SPIDR: variants seen among roughly 807,000 people sequenced by gnomAD.
The protein encoded by SPIDR is scaffold protein involved in DNA repair.
A neutral mutation model predicts 104.6 loss-of-function variants in SPIDR; 93 were observed. The ratio of observed to expected loss-of-function variants is 0.89; its 90% CI spans 0.75 to 1.06. The LOEUF is 1.06. Among genes scored for constraint, SPIDR ranks in the 50% least tolerant of loss-of-function variants. The probability of loss-of-function intolerance (pLI) is 0.00; values close to 1 mark genes in which losing one functional copy is unlikely to be tolerated. For synonymous variants in SPIDR, 431 were observed against 416.9 expected (o/e 1.03, Z -0.41); for missense variants, 1,154 against 1,111.2 (o/e 1.04, Z -0.55).
intron 11 of SPIDR, among the ~76,000 whole-genome samples, chr8:47,699,409 G>C (rs1478991775): frequency 6.6e-6 from 1 of 152,186 alleles, no homozygotes; most frequent in Non-Finnish European, 1.5e-5. Context: ...GACTCCAGGG[G>C]CCCTGCTGTT....
intron 8 of SPIDR, among the ~76,000 whole-genome samples, chr8:47,461,594 G>A (rs1459785865): frequency 2.0e-5 from 3 of 152,150 alleles, no homozygotes; most frequent in Non-Finnish European, 4.4e-5. Context: ...ATAGGTGTGA[G>A]CCACTGCGCC....
chr8:47,553,021 A>C (rs1418164942), intron 8 of SPIDR, among the ~76,000 whole-genome samples: 4 of 152,102 alleles, frequency 2.6e-5, no homozygotes, highest in African/African-American at 9.7e-5. Context: ...TCATTTATGA[A>C]GCTTAGTTTG....
intron 5 of SPIDR, among the ~76,000 whole-genome samples, chr8:47,339,658 C>T (rs2154274239): frequency 6.6e-6 from 1 of 150,950 alleles, no homozygotes; most frequent in African/African-American, 2.4e-5. Context: ...ACATGTTGAG[C>T]ATAACATAAC....
intron 10 of SPIDR, among the ~76,000 whole-genome samples, chr8:47,658,244 C>A (rs985062993): frequency 4.0e-5 from 6 of 151,560 alleles, no homozygotes; most frequent in Non-Finnish European, 4.4e-5. Flanking sequence ...CATGGAGAAA[C>A]CCTGTCTCTA....
intron 10 of SPIDR, among the ~76,000 whole-genome samples, chr8:47,612,817 T>G (rs1432224981): frequency 6.6e-6 from 1 of 152,220 alleles, no homozygotes; most frequent in Admixed American, 6.5e-5. Flanking sequence ...TATGCCCATT[T>G]ACTTATATGC....
intron 10 of SPIDR, among the ~76,000 whole-genome samples, chr8:47,671,179 GGAT>G (rs1274491886): frequency 1.3e-5 from 2 of 151,992 alleles, no homozygotes; most frequent in Non-Finnish European, 2.9e-5. Flanking sequence ...CAAAGTGCTG[GGAT>G]TACAGGTGTC....
intron 5 of SPIDR, among the ~76,000 whole-genome samples, chr8:47,308,914 G>A (rs1277998788): frequency 6.6e-6 from 1 of 152,220 alleles, no homozygotes; most frequent in Non-Finnish European, 1.5e-5. Context: ...ACCTGCAAGT[G>A]ATTAAAATTA....
At position 47,319,660 on chromosome 8, in the gene SPIDR, C is replaced by T. The variant is rs556044325; in HGVS notation, c.525+25630C>T. The stretch of plus-strand genomic sequence containing the variant: ...AATATACATTCTTCTCAGCACCACA[C>T]CGCACTTATTCCAAAATTGACCACA... On this transcript the variant is annotated intron_variant, in intron 5 of 19. Coordinates refer to ENST00000297423, the MANE Select transcript of SPIDR (RefSeq NM_001080394.4). Among the ~76,000 whole-genome samples, 299 of 152,242 alleles carry T rather than the reference C, an allele frequency of 2.0e-3. 2 individuals are homozygous for T. Among genetic ancestry groups the T allele is most frequent in the African/African-American group, 6.8e-3 (281 of 41,540 alleles).
intron 10 of SPIDR, among the ~76,000 whole-genome samples, chr8:47,632,185 A>G (rs1326384405): frequency 1.3e-5 from 2 of 152,186 alleles, no homozygotes; most frequent in African/African-American, 4.8e-5. Context: ...TAATCACGAC[A>G]TGTGCTGTAC....
intron 5 of SPIDR, among the ~76,000 whole-genome samples, chr8:47,394,411 G>A (rs1251801532): frequency 6.6e-6 from 1 of 152,206 alleles, no homozygotes; most frequent in Non-Finnish European, 1.5e-5. Flanking sequence ...CAAGCCGCCT[G>A]TGGTTGGTTA....
Position 47,713,570 on chromosome 8 carries a change from A to G in SPIDR, c.2270A>G (p.Glu757Gly), listed in dbSNP as rs202056668. The G allele has an allele frequency of 2.5e-4, 407 of 1,614,150 alleles. 2 individuals carry two copies. In the African/African-American group the frequency reaches 5.1e-3, roughly 20 times the overall value. ...GTGGTCTCTGGTGCAAGTTCCTGTGAGCTGCCTGGCCCGGTGATGCTCGAC... is the reference window on the plus strand; with the variant it reads ...GTGGTCTCTGGTGCAAGTTCCTGTGGGCTGCCTGGCCCGGTGATGCTCGAC... Reference protein sequence around the residue: ...LSVVSGASSCELPGPVMLDSL... With the variant: ...LSVVSGASSCGLPGPVMLDSL... Residue 757 changes from glutamate (E) to glycine (G), a missense_variant, in exon 16 of 20, where the codon GAG (glutamate) becomes GGG (glycine). Physicochemically the swap from Glu to Gly is moderately conservative, Grantham distance 98. Transcript: ENST00000297423.
At chr8:47,311,986 T>TG (rs1215555431) in intron 5 of SPIDR, among the ~76,000 whole-genome samples, 2 of 152,174 alleles carry the variant, frequency 1.3e-5, no homozygotes, top group Admixed American at 6.5e-5. Context: ...TTTTTGTCCT[T>TG]GCGATAGTTT....
At chr8:47,390,649 G>A (rs1490100484) in intron 5 of SPIDR, among the ~76,000 whole-genome samples, 5 of 150,298 alleles carry the variant, frequency 3.3e-5, no homozygotes, top group African/African-American at 9.8e-5. Context: ...AGAAGGTGAT[G>A]GGTACATCTA....
intron 8 of SPIDR, among the ~76,000 whole-genome samples, chr8:47,512,749 G>A (rs920858355): frequency 2.0e-5 from 3 of 152,182 alleles, no homozygotes; most frequent in South Asian, 2.1e-4. Context: ...GGAGGAAAAG[G>A]ACAGTTTATA....
Position 47,288,775 on chromosome 8 carries a change from A to G in SPIDR, c.257-2258A>G, listed in dbSNP as rs79324860. On this transcript the variant is annotated intron_variant, in intron 3 of 19. Transcript: ENST00000297423. ...CAGTAATTCTAGATGTTTGTGGCAC[A>G]AAGTAGTAAGTGTTCAGTAAATGTT... Among the ~76,000 whole-genome samples, 3 of 152,368 alleles carry G rather than the reference A, an allele frequency of 2.0e-5. No individual in the cohort carries two copies. The East Asian group carries it at 5.8e-4, about 29-fold the overall frequency.
At chr8:47,606,946 G>A (rs2063032137) in intron 10 of SPIDR, among the ~76,000 whole-genome samples, 1 of 152,178 alleles carries the variant, frequency 6.6e-6, no homozygotes, top group African/African-American at 2.4e-5. Flanking sequence ...GAGCCTGAAG[G>A]GAAGACAGCT....
chr8:47,505,590 A>G (rs1017843594), intron 8 of SPIDR, among the ~76,000 whole-genome samples: 5 of 152,226 alleles, frequency 3.3e-5, no homozygotes, highest in African/African-American at 9.6e-5. Flanking sequence ...TTCCCGGGTG[A>G]GGCAGTGCCT....
At chr8:47,590,758 A>G (rs975286071) in intron 8 of SPIDR, among the ~76,000 whole-genome samples, 4 of 152,148 alleles carry the variant, frequency 2.6e-5, no homozygotes, top group African/African-American at 4.8e-5. Flanking sequence ...GATGTCTGCA[A>G]TTCTAATTGT....
chr8:47,630,324 C>T (rs954611517), intron 10 of SPIDR, among the ~76,000 whole-genome samples: 1 of 152,094 alleles, frequency 6.6e-6, no homozygotes, highest in Non-Finnish European at 1.5e-5. Context: ...TTGAAAAGAG[C>T]AGTAGAGAGG....
Sources: gnomAD v4.1 joint callset for allele counts (sites outside exome capture counted in the v4.1 genomes callset) on GRCh38, gnomAD v4.1.1 for gene constraint, MANE v1.5 for transcripts, NCBI Gene and HGNC (gene_info 2026-07-23, HGNC 2026-07-21) for gene names.